LAMA1: variants seen among roughly 807,000 people sequenced by gnomAD.
LAMA1 encodes laminin subunit alpha-1.
In LAMA1, 219 loss-of-function variants were observed where a neutral mutation model predicts 348.7. That is an observed-to-expected ratio of 0.63 (90% CI 0.56 to 0.70). LAMA1 has a LOEUF of 0.70. Among genes scored for constraint, LAMA1 ranks in the 30% least tolerant of loss-of-function variants. The probability of loss-of-function intolerance (pLI) is 0.00; values close to 1 mark genes in which losing one functional copy is unlikely to be tolerated. For synonymous variants in LAMA1, 1,487 were observed against 1,491.0 expected, an observed-to-expected ratio of 1.00 and a Z score of 0.06; for missense variants, 3,744 against 3,888.0, an observed-to-expected ratio of 0.96 and a Z score of 0.99.
At chr18:6,957,882 GT>G (rs1376946489) in intron 55 of LAMA1, among the ~76,000 whole-genome samples, 2 of 151,998 alleles carry the variant, frequency 1.3e-5, no homozygotes, top group Non-Finnish European at 2.9e-5. Flanking sequence ...CCGGGTTCAA[GT>G]GATTCTCCTG....
chr18:7,007,529 T>C (rs1272358960), intron 28 of LAMA1, among the ~76,000 whole-genome samples: 10 of 150,142 alleles, frequency 6.7e-5, no homozygotes, highest in Admixed American at 5.3e-4. Flanking sequence ...ATACTGCTGG[T>C]GAGAATGGAA....
chr18:6,982,478 G>A lies in LAMA1; in HGVS notation c.5890+19C>T, dbSNP rs374932706. Reference sequence around the variant, plus strand: ...CACGCTCACTCTGCCTGTCTACACCGTCCGAGCCACATACTGACCTGGAAG... The same window carrying A: ...CACGCTCACTCTGCCTGTCTACACCATCCGAGCCACATACTGACCTGGAAG... On this transcript the variant is annotated intron_variant, in intron 41 of 62. Coordinates refer to ENST00000389658, the MANE Select transcript of LAMA1 (RefSeq NM_005559.4). 7.5e-6 allele frequency: 12 copies of A among 1,607,958 alleles called. No homozygotes were observed. The highest frequency in any genetic ancestry group is 6.0e-6 in the Non-Finnish European group (7 of 1,174,470).
rs746926454 is a variant in LAMA1 at position 6,949,147 on chromosome 18, T to C, written c.8510A>G (p.Tyr2837Cys). 6.8e-6 allele frequency: 11 copies of C among 1,614,140 alleles called. No homozygotes were observed. The East Asian group carries it at 8.9e-5, about 13-fold the overall frequency. The change falls in exon 59 of 63, where the codon TAC (tyrosine) becomes TGC (cysteine). Residue 2837 changes from tyrosine to cysteine, a missense_variant. By Grantham distance (194) the Tyr-to-Cys change is radical (BLOSUM62 -2). Transcript: ENST00000389658. Reference sequence around the variant, plus strand: ...GTACTGGGAGGGCAGGCCTCCTAGGTAGAACAAACCCTCCACATCCAGCAT... The same window carrying C: ...GTACTGGGAGGGCAGGCCTCCTAGGCAGAACAAACCCTCCACATCCAGCAT... The part of the protein sequence containing the change: ...GTMLDVEGLF[Y>C]LGGLPSQYQA...
At chr18:7,095,939 G>A (rs1298961041) in intron 1 of LAMA1, among the ~76,000 whole-genome samples, 1 of 152,202 alleles carries the variant, frequency 6.6e-6, no homozygotes, top group African/African-American at 2.4e-5. Context: ...GTGGTGGCAG[G>A]CGCCTGTAAT....
At chr18:6,971,296 T>A (rs541180814) in intron 48 of LAMA1, among the ~76,000 whole-genome samples, 10 of 152,334 alleles carry the variant, frequency 6.6e-5, no homozygotes, top group African/African-American at 2.4e-4. Context: ...AACATACTCA[T>A]TTTTCTCTAT....
chr18:7,002,316 C>T lies in LAMA1; in HGVS notation c.4330G>A (p.Gly1444Ser). 1 of 1,613,664 alleles carries T rather than the reference C, an allele frequency of 6.2e-7. No individual in the cohort carries two copies. The highest frequency in any genetic ancestry group is 1.1e-5 in the South Asian group (1 of 91,080). ...CACAGAGCACAGTCACTTGCTGAGC[C>T]AGTCACCTTCCCGTAGTAGCCAGAA... ...CTSGYYGKVTGSASDCALCAC... is the reference protein window; with the variant it reads ...CTSGYYGKVTSSASDCALCAC... The change falls in exon 30 of 63, where the codon GGC becomes AGC. Residue 1444 changes from glycine (G) to serine (S), a missense_variant. By Grantham distance (56) the Gly-to-Ser change is moderately conservative. Transcript: ENST00000389658.
At chr18:6,973,308 GC>G in intron 46 of LAMA1, 101 bp from the exon 47 acceptor site, 1 of 1,100,672 alleles carries the variant, frequency 9.1e-7, no homozygotes, top group South Asian at 1.3e-5. Context: ...CTCCCCAAGG[GC>G]CCTGCAACAG....
In LAMA1 at chr18:7,059,764, T is replaced by C. The variant is rs772594793; in HGVS notation, c.346-8828A>G. Reference sequence around the variant, plus strand: ...TAAAAGAACCTACCTGCCTCCACGGTGGTAACTGAACAGTGAATGAAGGCA... The same window carrying C: ...TAAAAGAACCTACCTGCCTCCACGGCGGTAACTGAACAGTGAATGAAGGCA... On this transcript the variant is annotated intron_variant, in intron 3 of 62. Coordinates refer to ENST00000389658, the MANE Select transcript of LAMA1 (RefSeq NM_005559.4). 4.7e-4 allele frequency among the ~76,000 whole-genome samples: 72 copies of C among 152,110 alleles called. 1 individual carries two copies. Among genetic ancestry groups the C allele is most frequent in the Admixed American group, 3.5e-3 (53 of 15,262 alleles).
rs2057688340 is a variant in LAMA1, at chr18:6,977,654, T to C, written c.6345+73A>G. 8.9e-6 allele frequency: 14 copies of C among 1,576,378 alleles called. No homozygotes were observed. In the South Asian group the frequency reaches 1.3e-4, roughly 15 times the overall value. On this transcript the variant is annotated intron_variant, in intron 44 of 62. Coordinates refer to ENST00000389658, the MANE Select transcript of LAMA1 (RefSeq NM_005559.4). ...AGGGGCGCAGTGTGACTGAGGGCCA[T>C]GTCTGCATGAATTCCCTGGGACCCC... is the stretch of plus-strand genomic sequence containing the variant.
chr18:7,086,980 A>C (rs2058220156), intron 1 of LAMA1, among the ~76,000 whole-genome samples: 1 of 152,186 alleles, frequency 6.6e-6, no homozygotes, highest in South Asian at 2.1e-4. Flanking sequence ...CAGTGTGCGC[A>C]AGGGTGGACA....
chr18:6,947,053 T>C (rs2057524811), intron 61 of LAMA1, 110 bp downstream of exon 61: 2 of 1,401,918 alleles, frequency 1.4e-6, no homozygotes, highest in Non-Finnish European at 2.0e-6. Flanking sequence ...AATGGGACCA[T>C]TGTTTGACTC....
intron 5 of LAMA1, among the ~76,000 whole-genome samples, chr18:7,048,716 C>T (rs554657997): frequency 1.1e-4 from 16 of 152,284 alleles, no homozygotes; most frequent in Admixed American, 5.9e-4. Context: ...GTATGCTTTC[C>T]TGAATGTAAA....
intron 3 of LAMA1, among the ~76,000 whole-genome samples, chr18:7,078,473 C>T (rs1323158796): frequency 1.3e-5 from 2 of 151,928 alleles, no homozygotes; most frequent in Non-Finnish European, 2.9e-5. Flanking sequence ...GCTCTTTTCT[C>T]TTTTTCTTTA....
At chr18:7,092,461 T>C (rs1166724312) in intron 1 of LAMA1, among the ~76,000 whole-genome samples, 2 of 151,874 alleles carry the variant, frequency 1.3e-5, no homozygotes, top group African/African-American at 4.8e-5. Flanking sequence ...CCATTTCTAC[T>C]AAAAATACAA....
chr18:7,070,050 A>G (rs1426297230), intron 3 of LAMA1, among the ~76,000 whole-genome samples: 1 of 152,378 alleles, frequency 6.6e-6, no homozygotes. Context: ...TGTGAAAACA[A>G]AAGAAAGACC....
In LAMA1 at chr18:6,985,308, G is replaced by A. The variant is rs377710546; in HGVS notation, c.5589C>T (p.Asn1863=). The change falls in exon 39 of 63, where the codon AAC becomes AAT. Residue 1863 remains asparagine, a synonymous_variant. Coordinates refer to ENST00000389658, the MANE Select transcript of LAMA1 (RefSeq NM_005559.4). ...CAGCTCTGTAGACCAGGTCGACTGC[G>A]TTCCTTTGGGACATGTGCATGACCA... The part of the protein sequence containing the change: ...DDLVMHMSQR[N]AVDLVYRAED... 1.9e-5 allele frequency: 31 copies of A among 1,614,028 alleles called. No individual in the cohort carries two copies. The highest frequency in any genetic ancestry group is 2.4e-5 in the Non-Finnish European group (28 of 1,180,008).
Position 7,038,705 on chromosome 18 carries a change from T to C in LAMA1, c.1563+105A>G, listed in dbSNP as rs550808542. 3,288 of 1,430,884 alleles carry C rather than the reference T, an allele frequency of 2.3e-3. 13 individuals are homozygous for C. Among genetic ancestry groups the C allele is most frequent in the Non-Finnish European group, 2.4e-3 (2,456 of 1,025,254 alleles). 88.6% of individuals were successfully genotyped at this position (1,430,884 alleles called of 1,614,324 possible). A position where few individuals can be genotyped will look rare whatever the true frequency, so the allele number is the denominator to read the frequency against. ...CAGTATCATTGCATAGCGATGAGAG[T>C]GGTGTCACGGGAAGTCATCCTCATT... is the stretch of plus-strand genomic sequence containing the variant. On this transcript the variant is annotated intron_variant, in intron 11 of 62. Coordinates refer to ENST00000389658, the MANE Select transcript of LAMA1 (RefSeq NM_005559.4).
At chr18:7,111,707 T>C (rs1409826902) in intron 1 of LAMA1, among the ~76,000 whole-genome samples, 1 of 152,238 alleles carries the variant, frequency 6.6e-6, no homozygotes, top group Non-Finnish European at 1.5e-5. Flanking sequence ...TGCATATTGA[T>C]ATTTTAGAAA....
intron 1 of LAMA1, among the ~76,000 whole-genome samples, chr18:7,114,062 G>T (rs934009426): frequency 1.4e-5 from 2 of 142,884 alleles, no homozygotes; most frequent in Non-Finnish European, 3.0e-5. Flanking sequence ...GGGCGACAGA[G>T]CGAGACTCCG....
Sources: gnomAD v4.1 joint callset for allele counts (sites outside exome capture counted in the v4.1 genomes callset) on GRCh38, gnomAD v4.1.1 for gene constraint, MANE v1.5 for transcripts, NCBI Gene and HGNC (gene_info 2026-07-23, HGNC 2026-07-21) for gene names.